Variants in NRXN1 observed in about 807,000 individuals in gnomAD.
NRXN1 encodes neurexin-1.
A neutral mutation model predicts 150.9 loss-of-function variants in NRXN1; 39 were observed. The ratio of observed to expected loss-of-function variants is 0.26; its 90% CI spans 0.20 to 0.34. NRXN1 has a LOEUF of 0.34. Among genes scored for constraint, NRXN1 ranks in the 10% least tolerant of loss-of-function variants. The pLI is 1.00. For synonymous variants in NRXN1, 924 were observed against 757.0 expected (o/e 1.22, Z -3.62); for missense variants, 1,815 against 1,949.9 (o/e 0.93, Z 1.30).
In NRXN1 at chr2:50,593,749, G is replaced by C. The variant is rs530139387; in HGVS notation, c.1320+26273C>G. ...GCCACGTTTTAAAGATTAAACAAGT[G>C]TTTTAAATGGCACATGATAGTTGTT... On this transcript the variant is annotated intron_variant, in intron 8 of 22. Transcript: ENST00000401669. Among the ~76,000 whole-genome samples, 10 of 152,174 alleles carry C rather than the reference G, an allele frequency of 6.6e-5. 1 individual carries two copies. Among genetic ancestry groups the C allele is most frequent in the South Asian group, 6.2e-4 (3 of 4,810 alleles).
intron 15 of NRXN1, among the ~76,000 whole-genome samples, chr2:50,495,254 C>T (rs1013519767): frequency 1.3e-5 from 2 of 151,904 alleles, no homozygotes; most frequent in Non-Finnish European, 2.9e-5. Flanking sequence ...GTTTTCTCAG[C>T]ATTTTGTCAC....
intron 2 of NRXN1, among the ~76,000 whole-genome samples, chr2:50,932,519 C>T (rs1275295485): frequency 6.6e-6 from 1 of 151,910 alleles, no homozygotes; most frequent in African/African-American, 2.4e-5. Flanking sequence ...TTCCCACTTA[C>T]AAGTGGGAAC....
At chr2:50,439,659 T>C (rs2085759793) in intron 17 of NRXN1, among the ~76,000 whole-genome samples, 1 of 151,232 alleles carries the variant, frequency 6.6e-6, no homozygotes, top group Admixed American at 6.6e-5. Context: ...AAAATAAAAA[T>C]ACAAAAAATT....
At chr2:50,852,885 G>T (rs1674716892) in intron 5 of NRXN1, among the ~76,000 whole-genome samples, 12 of 152,080 alleles carry the variant, frequency 7.9e-5, no homozygotes, top group Admixed American at 7.9e-4. Flanking sequence ...AGTTGAAATA[G>T]AGTCCTTTCC....
chr2:50,346,980 C>T lies in NRXN1; in HGVS notation c.3365-110010G>A. The T allele has an allele frequency of 7.3e-7, 1 of 1,361,744 alleles. No homozygotes were observed. The highest frequency in any genetic ancestry group is 1.4e-5 in the South Asian group (1 of 69,210). 84.4% of individuals were successfully genotyped at this position (1,361,744 alleles called of 1,614,324 possible). ...GGCGCCCGCCGAGGGGCAGCCGCCG[C>T]GGGAGGCAAAGTTTGGGGCGCGGGG... On this transcript the variant is annotated intron_variant, in intron 17 of 22. Coordinates refer to ENST00000401669, the MANE Select transcript of NRXN1 (RefSeq NM_001330078.2). This position sits in a 1 kb window ranked among gnomAD's most constrained non-coding sequence, Gnocchi z 5.0.
At chr2:50,757,996 T>C (rs1220675278) in intron 5 of NRXN1, 1 of 151,810 alleles carries the variant, frequency 6.6e-6, no homozygotes, top group Non-Finnish European at 1.5e-5. Flanking sequence ...ACATTATTTT[T>C]ATTCTCTTAC....
chr2:50,720,863 T>C (rs1328918949), intron 5 of NRXN1, among the ~76,000 whole-genome samples: 1 of 152,136 alleles, frequency 6.6e-6, no homozygotes, highest in Non-Finnish European at 1.5e-5. Context: ...CACTGAAACC[T>C]GAGCCAGCCA....
At chr2:50,706,021 GAACAGTGA>G (rs1694384909) in intron 5 of NRXN1, among the ~76,000 whole-genome samples, 1 of 152,166 alleles carries the variant, frequency 6.6e-6, no homozygotes, top group Admixed American at 6.5e-5. Context: ...TAGACTAGTA[GAACAGTGA>G]TTCACAAACT....
At chr2:50,886,925 T>TCAATAA (rs1371625881) in intron 5 of NRXN1, among the ~76,000 whole-genome samples, 2 of 151,472 alleles carry the variant, frequency 1.3e-5, no homozygotes, top group Non-Finnish European at 3.0e-5. Flanking sequence ...AGCACATCAC[T>TCAATAA]GGCCTTATTC....
chr2:50,058,844 CTT>C (rs1377974851), intron 19 of NRXN1, among the ~76,000 whole-genome samples: 2 of 152,190 alleles, frequency 1.3e-5, no homozygotes, highest in Non-Finnish European at 2.9e-5. Context: ...TAAGACATGA[CTT>C]TGCTCCTCCT....
At chr2:50,658,309 G>A (rs1254485670) in intron 5 of NRXN1, among the ~76,000 whole-genome samples, 1 of 151,678 alleles carries the variant, frequency 6.6e-6, no homozygotes, top group Admixed American at 6.6e-5. Flanking sequence ...TCCTTGACCT[G>A]CCCAATGCGA....
At chr2:50,182,705 T>A (rs1411119144) in intron 18 of NRXN1, among the ~76,000 whole-genome samples, 2 of 152,038 alleles carry the variant, frequency 1.3e-5, no homozygotes, top group African/African-American at 2.4e-5. Flanking sequence ...ATCATGAATA[T>A]TATACAGGGA....
intron 21 of NRXN1, among the ~76,000 whole-genome samples, chr2:50,026,836 G>A (rs79885521): frequency 0.016 from 1,992 of 124,104 alleles, 38 homozygotes; most frequent in African/African-American, 0.059. Flanking sequence ...CTACTCACTT[G>A]CATTGTTTAA....
intron 17 of NRXN1, among the ~76,000 whole-genome samples, chr2:50,269,328 T>C (rs2069280235): frequency 6.6e-6 from 1 of 152,236 alleles, no homozygotes; most frequent in Non-Finnish European, 1.5e-5. Context: ...GTATTGTTTC[T>C]GCCAAAATAA....
chr2:50,183,459 G>C (rs373563023), intron 18 of NRXN1, among the ~76,000 whole-genome samples: 1 of 151,624 alleles, frequency 6.6e-6, no homozygotes, highest in Non-Finnish European at 1.5e-5. Context: ...ATTTGAAAAA[G>C]ACCTTACTTT....
chr2:50,530,213 C>T (rs1408641367), intron 11 of NRXN1, among the ~76,000 whole-genome samples: 1 of 151,982 alleles, frequency 6.6e-6, no homozygotes, highest in Non-Finnish European at 1.5e-5. Context: ...ATTTATTCTT[C>T]CTTTGATATG....
At chr2:50,194,249 G>A (rs1395371899) in intron 18 of NRXN1, among the ~76,000 whole-genome samples, 1 of 152,018 alleles carries the variant, frequency 6.6e-6, no homozygotes, top group Non-Finnish European at 1.5e-5. Flanking sequence ...TCTTACCCGT[G>A]CCTATACTAA....
chr2:50,675,388 T>A (rs192918059), intron 5 of NRXN1, among the ~76,000 whole-genome samples: 1 of 152,258 alleles, frequency 6.6e-6, no homozygotes, highest in Non-Finnish European at 1.5e-5. Context: ...CATAGACAGA[T>A]TTCGAGAATG....
chr2:49,935,736 T>C (rs918656429), intron 22 of NRXN1, among the ~76,000 whole-genome samples: 3 of 152,210 alleles, frequency 2.0e-5, no homozygotes, highest in African/African-American at 7.2e-5. Context: ...CAAATGTAAT[T>C]AATGAGGTAC....
Sources: allele counts gnomAD v4.1 joint callset (sites outside exome capture counted in the v4.1 genomes callset), GRCh38; gene constraint gnomAD v4.1.1; non-coding constraint Gnocchi (gnomAD v3.1); transcripts MANE v1.5; gene names NCBI Gene and HGNC (gene_info 2026-07-23, HGNC 2026-07-21).